The following THG1L variants were observed in gnomAD, a reference collection of about 807,000 sequenced individuals.
THG1L encodes probable tRNA(His) guanylyltransferase.
THG1L carries 27 observed loss-of-function variants against 35.2 expected under a neutral mutation model. That is an observed-to-expected ratio of 0.77 (90% CI 0.57 to 1.06). The LOEUF (loss-of-function observed/expected upper bound fraction) is 1.06, where lower values mean the gene tolerates loss of function less well. Ranked by LOEUF, THG1L falls within the 50% of genes least tolerant of loss-of-function variation. THG1L has a pLI of 0.00. For synonymous variants in THG1L, 135 were observed against 132.4 expected, an observed-to-expected ratio of 1.02 and a Z score of -0.14; for missense variants, 377 against 371.8, an observed-to-expected ratio of 1.01 and a Z score of -0.12.
intron 1 of THG1L, 91 bp downstream of exon 1, chr5:157,731,722 C>A (rs748117793): frequency 2.2e-4 from 317 of 1,469,826 alleles, no homozygotes; most frequent in Non-Finnish European, 2.8e-4. Context: ...CCGCTCCAGT[C>A]ACGGTTACCA....
At chr5:157,735,204 CTGGGATT>C (rs1760838996) in intron 3 of THG1L, among the ~76,000 whole-genome samples, 1 of 152,208 alleles carries the variant, frequency 6.6e-6, no homozygotes, top group Non-Finnish European at 1.5e-5. Context: ...TCCCAAAGTG[CTGGGATT>C]ATAGGCGTGA....
rs529061212 is a variant in THG1L, at chr5:157,740,128, A to G, written c.*646A>G. Reference sequence around the variant, plus strand: ...TAATGGAGTTGTCAGCATGATCATCATCTTCTAGCCAGGGGCATAGTTGCC... The same window carrying G: ...TAATGGAGTTGTCAGCATGATCATCGTCTTCTAGCCAGGGGCATAGTTGCC... On this transcript the variant is annotated 3_prime_UTR_variant, in exon 6 of 6. Transcript: ENST00000231198. 2 of 152,328 alleles carry G rather than the reference A, an allele frequency of 1.3e-5. No individual in the cohort carries two copies. The highest frequency in any genetic ancestry group is 3.9e-4 in the East Asian group (2 of 5,190). The allele number at this position is 152,328 out of a possible 1,614,324, so 9.4% of individuals were successfully genotyped here.
intron 2 of THG1L, among the ~76,000 whole-genome samples, chr5:157,734,205 T>C (rs1201575854): frequency 2.0e-5 from 3 of 151,930 alleles, no homozygotes; most frequent in East Asian, 1.9e-4. Context: ...CTGGCCAACA[T>C]GGTGAAACCC....
Position 157,737,717 on chromosome 5 carries a change from G to C in THG1L, c.628-170G>C, listed in dbSNP as rs114042480. Among the ~76,000 whole-genome samples the C allele has an allele frequency of 5.1e-3, 784 of 152,258 alleles. 4 individuals are homozygous for C. The highest frequency in any genetic ancestry group is 0.018 in the African/African-American group (741 of 41,550). ...TGGTATAGGAGAGAATTTTATCTAA[G>C]TAAGATCATAATTGCCCTTAAGATG... On this transcript the variant is annotated intron_variant, in intron 4 of 5. Coordinates refer to ENST00000231198, the MANE Select transcript of THG1L (RefSeq NM_017872.5).
chr5:157,738,018 AAATGG>A, intron 5 of THG1L, 24 bp downstream of exon 5: 1 of 1,583,014 alleles, frequency 6.3e-7, no homozygotes, highest in Non-Finnish European at 8.7e-7. Context: ...GTTCAAAGAA[AAATGG>A]AAGTCAGGAA....
intron 3 of THG1L, among the ~76,000 whole-genome samples, chr5:157,735,189 T>C (rs534794027): frequency 4.9e-4 from 75 of 152,300 alleles, no homozygotes; most frequent in African/African-American, 1.7e-3. Context: ...CCACCCGCCT[T>C]GGCCTCCCAA....
intron 2 of THG1L, among the ~76,000 whole-genome samples, 182 bp downstream of exon 2, chr5:157,733,226 C>T (rs984015711): frequency 2.6e-5 from 4 of 152,160 alleles, no homozygotes; most frequent in African/African-American, 9.7e-5. Flanking sequence ...ATTCTGTGTG[C>T]CTCTTTTATC....
chr5:157,741,328 C>A lies in THG1L; in HGVS notation c.*1846C>A, dbSNP rs1761037151. 6.6e-6 allele frequency: 1 copy of A among 152,314 alleles called. No individual in the cohort carries two copies. Among genetic ancestry groups the A allele is most frequent in the Non-Finnish European group, 1.5e-5 (1 of 68,028 alleles). 9.4% of individuals were successfully genotyped at this position (152,314 alleles called of 1,614,324 possible). A position where few individuals can be genotyped will look rare whatever the true frequency, so the allele number is the denominator to read the frequency against. ...GGCCTCATCCCTCACTAATTGACAACCCATCTGTCGATGCCATTTTTTCCC... is the reference window on the plus strand; with the variant it reads ...GGCCTCATCCCTCACTAATTGACAAACCATCTGTCGATGCCATTTTTTCCC... On this transcript the variant is annotated 3_prime_UTR_variant, in exon 6 of 6. Transcript: ENST00000231198.
chr5:157,732,292 A>C (rs1464951899), intron 1 of THG1L, among the ~76,000 whole-genome samples: 1 of 149,656 alleles, frequency 6.7e-6, no homozygotes, highest in East Asian at 1.9e-4. Flanking sequence ...GAAAAAGAAA[A>C]AATTTAATTT....
intron 3 of THG1L, among the ~76,000 whole-genome samples, chr5:157,735,395 T>C (rs911879618): frequency 2.0e-5 from 3 of 152,232 alleles, no homozygotes; most frequent in African/African-American, 7.2e-5. Flanking sequence ...CTGTTGTTCC[T>C]CTGGGGTCAC....
intron 4 of THG1L, among the ~76,000 whole-genome samples, chr5:157,736,460 G>A (rs1760891757): frequency 6.6e-6 from 1 of 152,170 alleles, no homozygotes; most frequent in Non-Finnish European, 1.5e-5. Context: ...CCGTTGGCCA[G>A]GCTGGTCTTG....
chr5:157,736,666 G>A (rs6873264), intron 4 of THG1L, among the ~76,000 whole-genome samples: 1 of 152,148 alleles, frequency 6.6e-6, no homozygotes, highest in Middle Eastern at 3.4e-3. Context: ...GGAAGAGTTC[G>A]TGCTGAGTTT....
chr5:157,731,721 T>G (rs1422409604), intron 1 of THG1L, 90 bp downstream of exon 1: 1 of 1,480,564 alleles, frequency 6.8e-7, no homozygotes, highest in Non-Finnish European at 9.1e-7. Flanking sequence ...CCCGCTCCAG[T>G]CACGGTTACC....
In THG1L at chr5:157,739,467, A is replaced by G. The variant is rs775344139; in HGVS notation, c.882A>G (p.Leu294=). The change falls in exon 6 of 6, where the codon CTA becomes CTG. Residue 294 remains leucine, a synonymous_variant. Transcript: ENST00000231198. ...DAFWKEHPEI[L]DEDS is the part of the protein sequence containing the mutation. ...TCTGGAAGGAACATCCAGAGATTCT[A>G]GATGAAGACAGCTGACCCTTTTGCG... 6.2e-7 allele frequency: 1 copy of G among 1,612,822 alleles called. No individual in the cohort carries two copies. Among genetic ancestry groups the G allele is most frequent in the African/African-American group, 1.3e-5 (1 of 74,884 alleles).
rs772569626 is a variant in THG1L at position 157,738,001 on chromosome 5, C to G, written c.735+7C>G. The G allele has an allele frequency of 5.6e-5, 90 of 1,598,764 alleles. No homozygotes were observed. Among genetic ancestry groups the G allele is most frequent in the Non-Finnish European group, 7.5e-5 (88 of 1,169,118 alleles). ...TGTGTTGATATGGCAGAAGGTAATG[C>G]TGTTATGTTCAAAGAAAAATGGAAG... On this transcript the variant is annotated splice_region_variant and intron_variant, in intron 5 of 5. Coordinates refer to ENST00000231198, the MANE Select transcript of THG1L (RefSeq NM_017872.5).
In THG1L at chr5:157,739,485, C is replaced by G; in HGVS notation, c.*3C>G. On this transcript the variant is annotated 3_prime_UTR_variant, in exon 6 of 6. Transcript: ENST00000231198. ...AGATTCTAGATGAAGACAGCTGACCCTTTTGCGCTTCAGTTCTGGTGTGCT... is the reference window on the plus strand; with the variant it reads ...AGATTCTAGATGAAGACAGCTGACCGTTTTGCGCTTCAGTTCTGGTGTGCT... The G allele has an allele frequency of 6.2e-7, 1 of 1,610,698 alleles. No individual in the cohort carries two copies.
At chr5:157,736,723 G>A (rs1760898214) in intron 4 of THG1L, among the ~76,000 whole-genome samples, 1 of 152,168 alleles carries the variant, frequency 6.6e-6, no homozygotes, top group Non-Finnish European at 1.5e-5. Context: ...ATGCTTCTGT[G>A]TAATTTTATC....
At chr5:157,732,232 AAAAAAAAAAAAAGAGAG>A (rs1321436545) in intron 1 of THG1L, among the ~76,000 whole-genome samples, 2 of 118,812 alleles carry the variant, frequency 1.7e-5, no homozygotes, top group Non-Finnish European at 3.6e-5. Flanking sequence ...AAAAAAAAAA[AAAAAAAAAAAAAGAGAG>A]AGAGAGAGAG....
Position 157,739,315 on chromosome 5 carries a change from C to T in THG1L, c.736-6C>T. ...AACAATGTCACTACTTTATTTTTAC[C>T]TGTAGGTGGATGAAGTGATGACAAA... On this transcript the variant is annotated splice_region_variant and splice_polypyrimidine_tract_variant and intron_variant, in intron 5 of 5. Transcript: ENST00000231198. The T allele has an allele frequency of 4.3e-6, 7 of 1,611,892 alleles. No homozygotes were observed. The highest frequency in any genetic ancestry group is 5.9e-6 in the Non-Finnish European group (7 of 1,179,014).
Sources: allele counts gnomAD v4.1 joint callset (sites outside exome capture counted in the v4.1 genomes callset), GRCh38; gene constraint gnomAD v4.1.1; transcripts MANE v1.5; gene names NCBI Gene and HGNC (gene_info 2026-07-23, HGNC 2026-07-21).